The following PPP1R9A variants were observed in gnomAD, a reference collection of about 807,000 sequenced individuals.
The protein encoded by PPP1R9A is neurabin-1.
A neutral mutation model predicts 141.9 loss-of-function variants in PPP1R9A; 59 were observed. The ratio of observed to expected loss-of-function variants is 0.42; its 90% CI spans 0.34 to 0.52. PPP1R9A has a LOEUF of 0.52. Ranked by LOEUF, PPP1R9A falls within the 20% of genes least tolerant of loss-of-function variation. PPP1R9A has a pLI of 0.10. For missense variants in PPP1R9A, 1,444 were observed against 1,611.9 expected, an observed-to-expected ratio of 0.90 and a Z score of 1.78; for synonymous variants, 500 against 569.7, an observed-to-expected ratio of 0.88 and a Z score of 1.74.
chr7:94,971,040 A>G (rs1257571386), intron 2 of PPP1R9A, among the ~76,000 whole-genome samples: 3 of 152,148 alleles, frequency 2.0e-5, no homozygotes, highest in East Asian at 3.9e-4. Flanking sequence ...GAATTTGTGT[A>G]AGAACTTGGG....
intron 7 of PPP1R9A, among the ~76,000 whole-genome samples, chr7:95,220,759 TTA>T (rs1337100421): frequency 6.6e-6 from 1 of 152,030 alleles, no homozygotes; most frequent in Non-Finnish European, 1.5e-5. Flanking sequence ...CATCAAAGCA[TTA>T]TGAGTGATGT....
chr7:95,148,847 G>A (rs1333609394), intron 4 of PPP1R9A, among the ~76,000 whole-genome samples: 1 of 151,918 alleles, frequency 6.6e-6, no homozygotes, highest in African/African-American at 2.4e-5. Flanking sequence ...AATACTTCGT[G>A]TTCCATTCTA....
At chr7:95,078,130 CT>C (rs1815161645) in intron 2 of PPP1R9A, among the ~76,000 whole-genome samples, 1 of 111,156 alleles carries the variant, frequency 9.0e-6, no homozygotes, top group Admixed American at 1.1e-4. Flanking sequence ...TCCCTCCCCC[CT>C]CCCCCCACCC....
At chr7:95,170,696 G>A (rs1757963191) in intron 5 of PPP1R9A, among the ~76,000 whole-genome samples, 1 of 151,356 alleles carries the variant, frequency 6.6e-6, no homozygotes. Context: ...TTCATTACCT[G>A]GAGAATACTA....
At chr7:95,265,207 A>G (rs926271674) in intron 12 of PPP1R9A, among the ~76,000 whole-genome samples, 1 of 152,180 alleles carries the variant, frequency 6.6e-6, no homozygotes, top group Non-Finnish European at 1.5e-5. Context: ...TTTTGTTGGG[A>G]ACATAAAGTA....
intron 2 of PPP1R9A, among the ~76,000 whole-genome samples, chr7:95,040,656 A>T (rs1809105509): frequency 6.6e-6 from 1 of 152,090 alleles, no homozygotes; most frequent in South Asian, 2.1e-4. Flanking sequence ...GAAAATAGTG[A>T]TCATAGAGAA....
At chr7:95,088,458 C>T (rs1406070980) in intron 2 of PPP1R9A, among the ~76,000 whole-genome samples, 1 of 151,838 alleles carries the variant, frequency 6.6e-6, no homozygotes, top group Non-Finnish European at 1.5e-5. Context: ...GGGAAAACCA[C>T]CATGCAATCA....
At chr7:94,936,234 G>A (rs1269687518) in intron 2 of PPP1R9A, among the ~76,000 whole-genome samples, 4 of 152,036 alleles carry the variant, frequency 2.6e-5, no homozygotes, top group African/African-American at 9.7e-5. Context: ...TCCTCTGGGC[G>A]CCAGTTTCCT....
chr7:95,071,545 A>G (rs1224034528), intron 2 of PPP1R9A, among the ~76,000 whole-genome samples: 1 of 151,980 alleles, frequency 6.6e-6, no homozygotes, highest in African/African-American at 2.4e-5. Context: ...TGAAAAGCTT[A>G]GCTCAACTTA....
intron 3 of PPP1R9A, among the ~76,000 whole-genome samples, chr7:95,117,586 G>A (rs897161358): frequency 6.6e-6 from 1 of 152,180 alleles, no homozygotes; most frequent in Non-Finnish European, 1.5e-5. Context: ...ATTCTACCAA[G>A]ACCTGAGTCT....
chr7:95,270,011 G>A (rs911140264), intron 14 of PPP1R9A, among the ~76,000 whole-genome samples: 3 of 152,138 alleles, frequency 2.0e-5, no homozygotes, highest in Non-Finnish European at 4.4e-5. Context: ...TCTTCTAGAA[G>A]AGGGATAATC....
At chr7:95,127,602 A>G (rs1033551178) in intron 4 of PPP1R9A, among the ~76,000 whole-genome samples, 4 of 151,572 alleles carry the variant, frequency 2.6e-5, no homozygotes, top group African/African-American at 9.7e-5. Context: ...TGGGGTATGA[A>G]TGATCTCATC....
At chr7:95,000,106 A>G (rs892965939) in intron 2 of PPP1R9A, among the ~76,000 whole-genome samples, 2 of 152,146 alleles carry the variant, frequency 1.3e-5, no homozygotes, top group Non-Finnish European at 2.9e-5. Context: ...CCCAGCCAAG[A>G]TACCTTATTT....
intron 2 of PPP1R9A, among the ~76,000 whole-genome samples, chr7:94,911,778 T>G (rs1325959966): frequency 6.6e-6 from 1 of 152,198 alleles, no homozygotes; most frequent in South Asian, 2.1e-4. Context: ...TACGTTCCAA[T>G]GAACTGGAGT....
intron 2 of PPP1R9A, among the ~76,000 whole-genome samples, chr7:95,083,290 A>G (rs1433366935): frequency 4.0e-5 from 6 of 151,854 alleles, no homozygotes; most frequent in Non-Finnish European, 8.8e-5. Context: ...GAACTTGGCA[A>G]TGTCTGTTTT....
At chr7:94,979,560 T>C (rs1799844931) in intron 2 of PPP1R9A, among the ~76,000 whole-genome samples, 1 of 152,234 alleles carries the variant, frequency 6.6e-6, no homozygotes, top group African/African-American at 2.4e-5. Context: ...AAAAGTTTTT[T>C]AGAAAGCTGT....
At chr7:95,286,169 G>A in intron 17 of PPP1R9A, 37 bp from the exon 18 acceptor site, 1 of 1,607,488 alleles carries the variant, frequency 6.2e-7, no homozygotes. Flanking sequence ...CTCACTCACT[G>A]CACTCATTTA....
At chr7:95,225,511 A>G (rs1339027406) in intron 7 of PPP1R9A, among the ~76,000 whole-genome samples, 2 of 152,270 alleles carry the variant, frequency 1.3e-5, no homozygotes, top group East Asian at 3.9e-4. Context: ...AGGAGAATTA[A>G]TCAGCTAAAC....
chr7:95,039,918 T>C (rs2151895854), intron 2 of PPP1R9A, among the ~76,000 whole-genome samples: 1 of 152,192 alleles, frequency 6.6e-6, no homozygotes, highest in South Asian at 2.1e-4. Flanking sequence ...GCTCAGAGAA[T>C]ACCAGGTAGC....
Sources: allele counts gnomAD v4.1 joint callset (sites outside exome capture counted in the v4.1 genomes callset), GRCh38; gene constraint gnomAD v4.1.1; transcripts MANE v1.5; gene names NCBI Gene and HGNC (gene_info 2026-07-23, HGNC 2026-07-21).